Variants in PSAT1 observed in about 807,000 individuals in gnomAD.
The protein encoded by PSAT1 is phosphoserine aminotransferase 1.
A neutral mutation model predicts 40.3 loss-of-function variants in PSAT1; 41 were observed. The observed-to-expected ratio is 1.02, with a 90% CI of 0.79 to 1.32. The LOEUF is 1.32. Ranked by LOEUF, PSAT1 falls within the 40% of genes most tolerant of loss-of-function variation. The probability of loss-of-function intolerance (pLI) is 0.00; values close to 1 mark genes in which losing one functional copy is unlikely to be tolerated. For synonymous variants in PSAT1, 147 were observed against 170.5 expected (o/e 0.86, Z 1.07); for missense variants, 406 against 455.8 (o/e 0.89, Z 0.99).
At chr9:78,311,829 GAAAACAAAAACA>G (rs749911565) in intron 6 of PSAT1, among the ~76,000 whole-genome samples, 8 of 151,256 alleles carry the variant, frequency 5.3e-5, no homozygotes, top group East Asian at 3.9e-4. Context: ...GAGACTGTCT[GAAAACAAAAACA>G]AAAACAAAAA....
chr9:78,304,863 G>C lies in PSAT1; in HGVS notation c.320G>C (p.Trp107Ser). ...RCADYVVTGAWSAKAAEEAKK... is the reference protein window; with the variant it reads ...RCADYVVTGASSAKAAEEAKK... ...GCTGACTATGTGGTGACAGGAGCTT[G>C]GTCAGCTAAGGCCGCAGAAGAAGCC... Residue 107 changes from tryptophan (W) to serine (S), a missense_variant, in exon 4 of 9, where the codon TGG becomes TCG. Physicochemically the swap from Trp to Ser is radical, Grantham distance 177. Coordinates refer to ENST00000376588, the MANE Select transcript of PSAT1 (RefSeq NM_058179.4). The C allele has an allele frequency of 6.2e-7, 1 of 1,614,132 alleles. No homozygotes were observed. The highest frequency in any genetic ancestry group is 8.5e-7 in the Non-Finnish European group (1 of 1,180,050).
intron 1 of PSAT1, among the ~76,000 whole-genome samples, chr9:78,297,529 T>A (rs1828044108): frequency 6.6e-6 from 1 of 152,186 alleles, no homozygotes; most frequent in Admixed American, 6.5e-5. Flanking sequence ...AGTGCACGAC[T>A]CAGCTGGCCG....
intron 7 of PSAT1, among the ~76,000 whole-genome samples, chr9:78,327,537 G>C (rs1004915341): frequency 1.3e-5 from 2 of 152,122 alleles, no homozygotes; most frequent in Admixed American, 1.3e-4. Context: ...AGGAAGGTGA[G>C]GCATAGCAGA....
At chr9:78,297,818 GC>G (rs1025813604) in intron 1 of PSAT1, among the ~76,000 whole-genome samples, 4 of 152,202 alleles carry the variant, frequency 2.6e-5, no homozygotes, top group Admixed American at 6.5e-5. Flanking sequence ...GCGTGTGCGT[GC>G]CCCCCTACGC....
chr9:78,306,200 T>A (rs915530634), intron 4 of PSAT1, 114 bp from the exon 5 acceptor site: 3 of 1,110,420 alleles, frequency 2.7e-6, no homozygotes, highest in Non-Finnish European at 4.1e-6. Context: ...TGCTTTGGAG[T>A]CAGTTAGTCT....
intron 6 of PSAT1, among the ~76,000 whole-genome samples, chr9:78,317,001 C>T (rs191532233): frequency 1.3e-5 from 2 of 151,654 alleles, no homozygotes; most frequent in East Asian, 1.9e-4. Flanking sequence ...GTGAAGAGCT[C>T]GCTCTGGGTA....
intron 5 of PSAT1, 46 bp downstream of exon 5, chr9:78,306,532 C>T (rs911611225): frequency 1.9e-6 from 3 of 1,608,066 alleles, no homozygotes; most frequent in African/African-American, 1.3e-5. Context: ...GACTCGGTGT[C>T]TGCAGGGACA....
chr9:78,312,323 G>C (rs73651317), intron 6 of PSAT1, among the ~76,000 whole-genome samples: 2,289 of 152,266 alleles, frequency 0.015, 59 homozygotes, highest in African/African-American at 0.051. Flanking sequence ...GCATACGTTT[G>C]TTTTAGCTGC....
At chr9:78,320,370 A>G (rs2118690308) in intron 7 of PSAT1, among the ~76,000 whole-genome samples, 1 of 145,478 alleles carries the variant, frequency 6.9e-6, no homozygotes, top group African/African-American at 2.6e-5. Flanking sequence ...CTGCCCACCC[A>G]TCCATCCATT....
At chr9:78,299,163 A>C (rs1828070300) in intron 1 of PSAT1, among the ~76,000 whole-genome samples, 1 of 138,352 alleles carries the variant, frequency 7.2e-6, no homozygotes, top group South Asian at 2.3e-4. Flanking sequence ...AAAAAAAAAA[A>C]AAAAAAAAAT....
chr9:78,317,854 T>C, intron 7 of PSAT1, 50 bp downstream of exon 7: 4 of 1,582,600 alleles, frequency 2.5e-6, no homozygotes, highest in Non-Finnish European at 3.5e-6. Context: ...AATTTAAAAC[T>C]GTGTATATAC....
In PSAT1 at chr9:78,300,622, GGA is replaced by G; in HGVS notation, c.82_83del (p.Glu28IlefsTer10). ...PHSVLLEIQK[E>X]LLDYKGVGIS... ...TCTAGGTGTTGTTAGAGATACAAAA[GGA>G]ATTATTAGACTACAAAGGAGTTGGC... On this transcript the variant is annotated frameshift_variant, in exon 2 of 9. Transcript: ENST00000376588. LOFTEE classifies it high-confidence loss of function. The G allele has an allele frequency of 5.0e-6, 8 of 1,598,494 alleles. No homozygotes were observed. Among genetic ancestry groups the G allele is most frequent in the Non-Finnish European group, 6.0e-6 (7 of 1,171,202 alleles).
At chr9:78,321,646 T>C (rs921978898) in intron 7 of PSAT1, among the ~76,000 whole-genome samples, 1 of 152,128 alleles carries the variant, frequency 6.6e-6, no homozygotes, top group African/African-American at 2.4e-5. Context: ...CAGGGAATTC[T>C]GGGACTAGAT....
intron 6 of PSAT1, among the ~76,000 whole-genome samples, chr9:78,314,645 G>C (rs780749278): frequency 5.9e-5 from 9 of 152,168 alleles, no homozygotes; most frequent in Non-Finnish European, 1.2e-4. Context: ...GCTCCAGGCA[G>C]CCCCTAAAAG....
At chr9:78,313,845 A>G (rs1478153040) in intron 6 of PSAT1, among the ~76,000 whole-genome samples, 4 of 152,074 alleles carry the variant, frequency 2.6e-5, no homozygotes, top group Non-Finnish European at 4.4e-5. Context: ...CAGGGTCTCA[A>G]TATGTTGTCC....
chr9:78,328,868 G>A (rs550146171), intron 8 of PSAT1, 113 bp from the exon 9 acceptor site: 10 of 826,984 alleles, frequency 1.2e-5, no homozygotes, highest in Admixed American at 1.9e-5. Flanking sequence ...GTAGGAGACC[G>A]GAAATGATGG....
At chr9:78,300,872 C>T (rs1440367594) in intron 2 of PSAT1, among the ~76,000 whole-genome samples, 6 of 151,980 alleles carry the variant, frequency 3.9e-5, no homozygotes, top group Admixed American at 6.6e-5. Context: ...CACATCACCA[C>T]ACCTGGCTAA....
In PSAT1 at chr9:78,300,638, A is replaced by G. The variant is rs1475269547; in HGVS notation, c.97A>G (p.Lys33Glu). The G allele has an allele frequency of 1.9e-6, 3 of 1,610,856 alleles. No homozygotes were observed. Among genetic ancestry groups the G allele is most frequent in the Non-Finnish European group, 2.5e-6 (3 of 1,179,302 alleles). The stretch of plus-strand genomic sequence containing the variant: ...GATACAAAAGGAATTATTAGACTAC[A>G]AAGGAGTTGGCATTAGTGTTCTTGG... ...LEIQKELLDY[K>E]GVGISVLEMS... The change falls in exon 2 of 9, where the codon AAA becomes GAA. Residue 33 changes from lysine to glutamate, a missense_variant. Coordinates refer to ENST00000376588, the MANE Select transcript of PSAT1 (RefSeq NM_058179.4).
In PSAT1 at chr9:78,306,486, G is replaced by A. The variant is rs1225644225; in HGVS notation, c.570G>A (p.Lys190=). ...NFLSKPVDVS[K]FGVIFAGAQK... The stretch of plus-strand genomic sequence containing the variant: ...TGTCCAAGCCAGTGGATGTTTCCAA[G>A]GTAGAGTATAAAAGGCAGGGTGAGG... The change falls in exon 5 of 9, where the codon AAG becomes AAA. Residue 190 remains lysine (K), a splice_region_variant and synonymous_variant. Transcript: ENST00000376588. 2 of 1,614,198 alleles carry A rather than the reference G, an allele frequency of 1.2e-6. No individual in the cohort carries two copies. The highest frequency in any genetic ancestry group is 1.7e-6 in the Non-Finnish European group (2 of 1,180,028).
Sources: allele counts gnomAD v4.1 joint callset (sites outside exome capture counted in the v4.1 genomes callset), GRCh38; gene constraint gnomAD v4.1.1; transcripts MANE v1.5; gene names NCBI Gene and HGNC (gene_info 2026-07-23, HGNC 2026-07-21).